Variants in ELAVL3 observed in about 807,000 individuals in gnomAD.
ELAVL3 encodes the protein ELAV-like protein 3.
A neutral mutation model predicts 34.2 loss-of-function variants in ELAVL3; 8 were observed. The observed-to-expected ratio is 0.23, with a 90% confidence interval of 0.14 to 0.42. The LOEUF is 0.42. ELAVL3 is among the 10% of genes least tolerant of loss of function. The pLI, the probability that ELAVL3 is intolerant of heterozygous loss-of-function variation, is 1.00. For synonymous variants in ELAVL3, 209 were observed against 222.1 expected (o/e 0.94, Z 0.53); for missense variants, 273 against 518.8 (o/e 0.53, Z 4.60).
chr19:11,460,049 G>A (rs1272050071), intron 3 of ELAVL3, among the ~76,000 whole-genome samples: 1 of 151,970 alleles, frequency 6.6e-6, no homozygotes, highest in South Asian at 2.1e-4. Flanking sequence ...ACATGGGGGT[G>A]TCAAGGGCAC....
intron 1 of ELAVL3, among the ~76,000 whole-genome samples, chr19:11,479,303 A>T (rs900127724): frequency 2.0e-5 from 3 of 152,074 alleles, no homozygotes; most frequent in African/African-American, 7.2e-5. Context: ...TCTCAGAGCC[A>T]GGTGGGCGGG....
intron 3 of ELAVL3, among the ~76,000 whole-genome samples, chr19:11,463,962 C>G (rs1279131956): frequency 1.0e-4 from 15 of 150,094 alleles, no homozygotes; most frequent in African/African-American, 1.5e-4. Context: ...GAGGGAGACT[C>G]TGTCTCAAAA....
Position 11,458,194 on chromosome 19 carries a change from C to T in ELAVL3, c.580G>A (p.Ala194Thr), listed in dbSNP as rs1363746056. ...KGLNGQKPLG[A>T]AEPITVKFAN... ...AACTTGACTGTGATGGGCTCAGCTGCGCCCAGCGGCTTCTGCCCATTCAGT... is the reference window on the plus strand; with the variant it reads ...AACTTGACTGTGATGGGCTCAGCTGTGCCCAGCGGCTTCTGCCCATTCAGT... Residue 194 changes from alanine to threonine, a missense_variant, in exon 5 of 7, where the codon GCA (alanine) becomes ACA (threonine). Ala to Thr is a moderately conservative substitution (Grantham distance 58, BLOSUM62 0). Around this residue, in one of 4 missense-constraint regions of ELAVL3, gnomAD observed 102 missense variants for 250.1 expected, o/e 0.41. Transcript: ENST00000359227. This position sits in a 1 kb window ranked among gnomAD's most constrained non-coding sequence, Gnocchi z 7.3. 6.8e-6 allele frequency: 11 copies of T among 1,614,136 alleles called. No individual in the cohort carries two copies. Among genetic ancestry groups the T allele is most frequent in the South Asian group, 3.3e-5 (3 of 91,090 alleles).
intron 1 of ELAVL3, among the ~76,000 whole-genome samples, chr19:11,479,718 G>A (rs1014747519): frequency 5.9e-5 from 9 of 151,606 alleles, no homozygotes; most frequent in African/African-American, 2.2e-4. Context: ...GAGGGGCTGC[G>A]CGCTCGGGAG....
rs766201816 is a variant in ELAVL3 at position 11,480,582 on chromosome 19, C to T, written c.9+18G>A. Reference sequence around the variant, plus strand: ...CCTCCCCGTCCCGATTCCCTTTCGGCGACAGGGGAATACCTACAGTGACCA... The same window carrying T: ...CCTCCCCGTCCCGATTCCCTTTCGGTGACAGGGGAATACCTACAGTGACCA... On this transcript the variant is annotated intron_variant, in intron 1 of 6. Transcript: ENST00000359227. This position sits in a 1 kb window ranked among gnomAD's most constrained non-coding sequence, Gnocchi z 6.8. The T allele has an allele frequency of 2.7e-6, 4 of 1,504,558 alleles. No homozygotes were observed. Among genetic ancestry groups the T allele is most frequent in the Non-Finnish European group, 3.5e-6 (4 of 1,127,180 alleles). The allele number at this position is 1,504,558 out of a possible 1,614,324, so 93.2% of individuals were successfully genotyped here. A position where few individuals can be genotyped will look rare whatever the true frequency, so the allele number is the denominator to read the frequency against.
chr19:11,466,594 T>A lies in ELAVL3; in HGVS notation c.229+14A>T. 1 of 1,613,088 alleles carries A rather than the reference T, an allele frequency of 6.2e-7. No homozygotes were observed. ...TACCACCTCTGTTCCTCCCCGCAAC[T>A]CCAGCAGCCACACCTGTGATCTTGT... On this transcript the variant is annotated intron_variant, in intron 2 of 6. Transcript: ENST00000359227. The surrounding 1 kb of genome is among the most constrained non-coding windows in gnomAD (Gnocchi z 5.0).
At chr19:11,478,567 T>G (rs1415127442) in intron 1 of ELAVL3, among the ~76,000 whole-genome samples, 1 of 151,888 alleles carries the variant, frequency 6.6e-6, no homozygotes, top group Non-Finnish European at 1.5e-5. Flanking sequence ...TAGGGAAGCT[T>G]CCCATTCTCT....
At chr19:11,456,624 T>C (rs1334525669) in intron 6 of ELAVL3, among the ~76,000 whole-genome samples, 1 of 149,576 alleles carries the variant, frequency 6.7e-6, no homozygotes, top group African/African-American at 2.5e-5. Flanking sequence ...TTCAGCCTCC[T>C]GAGTAGCTGG....
At chr19:11,460,334 C>T (rs1055425800) in intron 3 of ELAVL3, among the ~76,000 whole-genome samples, 1 of 150,286 alleles carries the variant, frequency 6.7e-6, no homozygotes, top group South Asian at 2.2e-4. Context: ...CCACCCTGGC[C>T]CCCCCTGCTC....
chr19:11,456,294 T>C (rs1314893214), intron 6 of ELAVL3, among the ~76,000 whole-genome samples: 3 of 151,314 alleles, frequency 2.0e-5, no homozygotes, highest in African/African-American at 7.3e-5. Flanking sequence ...TTAGTAGAGA[T>C]GGGGTTTCAC....
chr19:11,467,638 T>C (rs1483024381), intron 1 of ELAVL3, among the ~76,000 whole-genome samples: 1 of 150,326 alleles, frequency 6.7e-6, no homozygotes, highest in African/African-American at 2.5e-5. Flanking sequence ...TGCATGCCAC[T>C]ATGCACAGCT....
chr19:11,454,370 G>T lies in ELAVL3; in HGVS notation c.*156C>A. On this transcript the variant is annotated 3_prime_UTR_variant, in exon 7 of 7. Coordinates refer to ENST00000359227, the MANE Select transcript of ELAVL3 (RefSeq NM_001420.4). This position sits in a 1 kb window ranked among gnomAD's most constrained non-coding sequence, Gnocchi z 9.2. ...CCTGCAGACCCTCCCACCCCAGAGT[G>T]CTCACCCTGTGGCTTCCGCAGGGAC... The T allele has an allele frequency of 1.4e-6, 1 of 723,410 alleles. No homozygotes were observed. The highest frequency in any genetic ancestry group is 2.2e-6 in the Non-Finnish European group (1 of 450,172). The allele number at this position is 723,410 out of a possible 1,614,324, so 44.8% of individuals were successfully genotyped here.
In ELAVL3 at chr19:11,458,733, T is replaced by A; in HGVS notation, c.334-122A>T. 7.5e-7 allele frequency: 1 copy of A among 1,334,688 alleles called. No homozygotes were observed. The highest frequency in any genetic ancestry group is 1.0e-6 in the Non-Finnish European group (1 of 967,982). 82.7% of individuals were successfully genotyped at this position (1,334,688 alleles called of 1,614,324 possible). On this transcript the variant is annotated intron_variant, in intron 3 of 6. Coordinates refer to ENST00000359227, the MANE Select transcript of ELAVL3 (RefSeq NM_001420.4). This position sits in a 1 kb window ranked among gnomAD's most constrained non-coding sequence, Gnocchi z 7.3. ...AGTGACCCATCCGTCACTCAATAAG[T>A]ATCTCTAGAGTTGTCACCGTGGGGT...
intron 1 of ELAVL3, among the ~76,000 whole-genome samples, chr19:11,475,825 G>C (rs140971275): frequency 2.0e-5 from 3 of 152,000 alleles, no homozygotes; most frequent in Admixed American, 6.6e-5. Context: ...ATGTTAGCCA[G>C]GCTGATCTCC....
rs1312894425 is a variant in ELAVL3 at position 11,479,279 on chromosome 19, T to G, written c.9+1321A>C. On this transcript the variant is annotated intron_variant, in intron 1 of 6. Transcript: ENST00000359227. ...GGTCACACAGCAGGTGAGCCAGGCC[T>G]CCGGGACCTCATTTCTCAGAGCCAG... is the stretch of plus-strand genomic sequence containing the variant. Among the ~76,000 whole-genome samples the G allele has an allele frequency of 3.3e-5, 5 of 152,154 alleles. 1 individual carries two copies. The highest frequency in any genetic ancestry group is 1.2e-4 in the African/African-American group (5 of 41,518).
chr19:11,451,494 C>CTTTTT lies in ELAVL3; in HGVS notation c.*3027_*3031dup, dbSNP rs950823031. On this transcript the variant is annotated 3_prime_UTR_variant, in exon 7 of 7. Coordinates refer to ENST00000359227, the MANE Select transcript of ELAVL3 (RefSeq NM_001420.4). ...TTTTTTTTTTTGTCTTTTGTTTTGT[C>CTTTTT]TTTTTTTTTTTTTTTTTTTTTACAG... 1 of 65,532 alleles carries CTTTTT rather than the reference C, an allele frequency of 1.5e-5. No homozygotes were observed. Among genetic ancestry groups the CTTTTT allele is most frequent in the African/African-American group, 5.8e-5 (1 of 17,220 alleles). The allele number at this position is 65,532 out of a possible 1,614,324, so 4.1% of individuals were successfully genotyped here. A position where few individuals can be genotyped will look rare whatever the true frequency, so the allele number is the denominator to read the frequency against.
intron 1 of ELAVL3, among the ~76,000 whole-genome samples, chr19:11,472,607 A>G (rs899121855): frequency 6.6e-6 from 1 of 151,742 alleles, no homozygotes; most frequent in African/African-American, 2.4e-5. Flanking sequence ...ATGGTGAGAC[A>G]GGAGGATCAC....
In ELAVL3 at chr19:11,454,448, C is replaced by G; in HGVS notation, c.*78G>C. ...TGCCTGTGCTGTCTCTCTTGGGCCC[C>G]TTCTCTCTCTCTCTCTCTCTTTCTC... On this transcript the variant is annotated 3_prime_UTR_variant, in exon 7 of 7. Coordinates refer to ENST00000359227, the MANE Select transcript of ELAVL3 (RefSeq NM_001420.4). The surrounding 1 kb of genome is among the most constrained non-coding windows in gnomAD (Gnocchi z 9.2). 17 of 1,289,988 alleles carry G rather than the reference C, an allele frequency of 1.3e-5. No individual in the cohort carries two copies. Among genetic ancestry groups the G allele is most frequent in the Non-Finnish European group, 1.7e-5 (16 of 960,304 alleles). 79.9% of individuals were successfully genotyped at this position (1,289,988 alleles called of 1,614,324 possible).
chr19:11,467,465 A>C (rs1250236912), intron 1 of ELAVL3, among the ~76,000 whole-genome samples: 6 of 145,830 alleles, frequency 4.1e-5, no homozygotes, highest in Non-Finnish European at 7.4e-5. Context: ...AGAAAAGTAA[A>C]TCTAACAGTA....
Sources: gnomAD v4.1 joint callset for allele counts (sites outside exome capture counted in the v4.1 genomes callset) on GRCh38, gnomAD v4.1.1 for gene constraint, gnomAD v4.1.1 regional missense constraint, Gnocchi (gnomAD v3.1) non-coding constraint, MANE v1.5 for transcripts, NCBI Gene and HGNC (gene_info 2026-07-23, HGNC 2026-07-21) for gene names.